The following SLC13A4 variants were observed in gnomAD, a reference collection of about 807,000 sequenced individuals.
SLC13A4 encodes the protein Na(+)/sulfate cotransporter SUT-1.
A neutral mutation model predicts 72.7 loss-of-function variants in SLC13A4; 28 were observed. That is an observed-to-expected ratio of 0.39 (90% CI 0.29 to 0.53). The LOEUF (loss-of-function observed/expected upper bound fraction) is 0.53, where lower values mean the gene tolerates loss of function less well. Ranked by LOEUF, SLC13A4 falls within the 20% of genes least tolerant of loss-of-function variation. The probability of loss-of-function intolerance (pLI) is 0.78; values close to 1 mark genes in which losing one functional copy is unlikely to be tolerated. For synonymous variants in SLC13A4, 312 were observed against 325.5 expected, an observed-to-expected ratio of 0.96 and a Z score of 0.45; for missense variants, 653 against 788.0, an observed-to-expected ratio of 0.83 and a Z score of 2.05.
intron 13 of SLC13A4, among the ~76,000 whole-genome samples, chr7:135,690,171 ACT>A (rs1468686701): frequency 2.5e-5 from 3 of 119,786 alleles, no homozygotes; most frequent in South Asian, 2.9e-4. Flanking sequence ...ACAGAGTGAG[ACT>A]CTGTCTCAAA....
chr7:135,711,075 A>T (rs1796289796), intron 2 of SLC13A4, among the ~76,000 whole-genome samples: 2 of 152,238 alleles, frequency 1.3e-5, no homozygotes, highest in South Asian at 4.1e-4. Context: ...TTGAACTTGG[A>T]GGTTCAAGGG....
intron 2 of SLC13A4, 33 bp downstream of exon 2, chr7:135,721,362 C>A (rs752711573): frequency 9.3e-6 from 15 of 1,612,054 alleles, no homozygotes; most frequent in Admixed American, 1.7e-5. Flanking sequence ...CTGCAGGGAC[C>A]CAGGCAGGGG....
chr7:135,723,726 T>A (rs562323601), intron 1 of SLC13A4, among the ~76,000 whole-genome samples: 1 of 152,274 alleles, frequency 6.6e-6, no homozygotes, highest in South Asian at 2.1e-4. Flanking sequence ...AGTGATTAAA[T>A]CAGCTGGGCT....
chr7:135,723,689 G>T (rs866897876), intron 1 of SLC13A4, among the ~76,000 whole-genome samples: 11 of 152,140 alleles, frequency 7.2e-5, no homozygotes, highest in Admixed American at 6.5e-5. Context: ...GTTACAAAAG[G>T]TCGCTGTATC....
chr7:135,715,046 A>G (rs1796384500), intron 2 of SLC13A4, among the ~76,000 whole-genome samples: 1 of 137,248 alleles, frequency 7.3e-6, no homozygotes, highest in Non-Finnish European at 1.5e-5. Flanking sequence ...GTGTGAGGGT[A>G]TGAGTGTGTA....
At chr7:135,703,727 G>C (rs116390035) in intron 5 of SLC13A4, 1 of 152,304 alleles carries the variant, frequency 6.6e-6, no homozygotes, top group Non-Finnish European at 1.5e-5. Flanking sequence ...GACAGAGAGC[G>C]TATTGGGCAC....
intron 2 of SLC13A4, among the ~76,000 whole-genome samples, chr7:135,709,495 C>T (rs1026844088): frequency 6.6e-5 from 10 of 151,908 alleles, no homozygotes; most frequent in Non-Finnish European, 5.9e-5. Context: ...TCACAGCTCA[C>T]TGCAGCCTCA....
chr7:135,709,125 G>T (rs1178550727), intron 2 of SLC13A4, among the ~76,000 whole-genome samples: 5 of 151,538 alleles, frequency 3.3e-5, no homozygotes, highest in Admixed American at 6.6e-5. Context: ...TAGAGATGGG[G>T]TTTCACTGTG....
intron 2 of SLC13A4, among the ~76,000 whole-genome samples, chr7:135,720,552 A>G (rs1796523556): frequency 1.3e-5 from 1 of 77,848 alleles, no homozygotes; most frequent in African/African-American, 4.6e-5. Flanking sequence ...AGGCTTTTTC[A>G]TTAAAAAAAA....
At chr7:135,694,447 G>A (rs1795858379) in intron 9 of SLC13A4, among the ~76,000 whole-genome samples, 1 of 152,166 alleles carries the variant, frequency 6.6e-6, no homozygotes, top group Non-Finnish European at 1.5e-5. Flanking sequence ...GCCTACTGGG[G>A]ATATCCATCT....
intron 11 of SLC13A4, 53 bp from the exon 12 acceptor site, chr7:135,691,698 A>G (rs1795790802): frequency 7.9e-7 from 1 of 1,268,750 alleles, no homozygotes; most frequent in East Asian, 2.3e-5. Flanking sequence ...TTTCAGGAGT[A>G]ACATGATGTC....
At chr7:135,685,789 G>A in intron 13 of SLC13A4, 106 bp from the exon 14 acceptor site, 4 of 958,708 alleles carry the variant, frequency 4.2e-6, no homozygotes, top group Non-Finnish European at 6.4e-6. Context: ...GACGACCAGG[G>A]ATCCTCTGAT....
chr7:135,721,324 C>G, intron 2 of SLC13A4, 71 bp downstream of exon 2: 4 of 1,576,736 alleles, frequency 2.5e-6, no homozygotes, highest in Non-Finnish European at 3.5e-6. Context: ...GTGAATCTCC[C>G]TTCATTGGAG....
chr7:135,701,993 T>C, intron 6 of SLC13A4: 1 of 441,446 alleles, frequency 2.3e-6, no homozygotes, highest in South Asian at 5.1e-5. Flanking sequence ...AACATGGCTC[T>C]GCCCTTAGAG....
intron 1 of SLC13A4, among the ~76,000 whole-genome samples, chr7:135,726,721 G>A (rs1452304752): frequency 6.6e-6 from 1 of 152,158 alleles, no homozygotes; most frequent in Non-Finnish European, 1.5e-5. Flanking sequence ...TTTTTATCGT[G>A]TCACTTTTTG....
chr7:135,692,669 C>T (rs1795816769), intron 10 of SLC13A4: 3 of 458,004 alleles, frequency 6.6e-6, no homozygotes, highest in East Asian at 4.1e-5. Context: ...CAGCACTGTA[C>T]ATTTGTAAAA....
rs555599285 is a variant in SLC13A4, at chr7:135,699,632, A to G, written c.715-84T>C. ...TGAGAGGCAGGAGGCACCATGGTACAGCGGAAAGGGTTTGAGCTTGGGTGT... is the reference window on the plus strand; with the variant it reads ...TGAGAGGCAGGAGGCACCATGGTACGGCGGAAAGGGTTTGAGCTTGGGTGT... On this transcript the variant is annotated intron_variant, in intron 7 of 15. Transcript: ENST00000682651. 1.3e-5 allele frequency: 17 copies of G among 1,275,632 alleles called. No individual in the cohort carries two copies. The East Asian group carries it at 3.9e-4, about 30-fold the overall frequency. The allele number at this position is 1,275,632 out of a possible 1,614,324, so 79.0% of individuals were successfully genotyped here. A position where few individuals can be genotyped will look rare whatever the true frequency, so the allele number is the denominator to read the frequency against.
At chr7:135,699,049 G>A (rs1321906929) in intron 8 of SLC13A4, among the ~76,000 whole-genome samples, 1 of 151,884 alleles carries the variant, frequency 6.6e-6, no homozygotes, top group East Asian at 1.9e-4. Context: ...CCACAATTCT[G>A]TCTCAACCTC....
intron 2 of SLC13A4, among the ~76,000 whole-genome samples, chr7:135,716,362 T>G (rs1796434843): frequency 6.6e-6 from 1 of 152,224 alleles, no homozygotes; most frequent in African/African-American, 2.4e-5. Flanking sequence ...TGGAGTGCAG[T>G]GGCATGATCT....
Sources: gnomAD v4.1 joint callset for allele counts (sites outside exome capture counted in the v4.1 genomes callset) on GRCh38, gnomAD v4.1.1 for gene constraint, MANE v1.5 for transcripts, NCBI Gene and HGNC (gene_info 2026-07-23, HGNC 2026-07-21) for gene names.